The following CUX1 variants were observed in gnomAD, a reference collection of about 807,000 sequenced individuals.
CUX1 encodes the protein cut like homeobox 1.
In CUX1, 31 loss-of-function variants were observed where a neutral mutation model predicts 158.8. The ratio of observed to expected loss-of-function variants is 0.20; its 90% CI spans 0.15 to 0.26. The LOEUF (loss-of-function observed/expected upper bound fraction) is 0.26, where lower values mean the gene tolerates loss of function less well. Among genes scored for constraint, CUX1 ranks in the 10% least tolerant of loss-of-function variants. CUX1 has a pLI of 1.00. For synonymous variants in CUX1, 879 were observed against 862.1 expected (o/e 1.02, Z -0.34); for missense variants, 1,589 against 2,014.6 (o/e 0.79, Z 4.04).
chr7:102,005,118 C>T (rs1039165085), intron 2 of CUX1, among the ~76,000 whole-genome samples: 1 of 152,130 alleles, frequency 6.6e-6, no homozygotes, highest in African/African-American at 2.4e-5. Flanking sequence ...CATTCAGGCT[C>T]TGTCAGCTTC....
intron 20 of CUX1, among the ~76,000 whole-genome samples, chr7:102,211,498 C>T (rs948803668): frequency 1.4e-5 from 2 of 147,100 alleles, no homozygotes; most frequent in Admixed American, 6.8e-5. Flanking sequence ...ATCAGCTTTT[C>T]GGCTGGGCGC....
intron 8 of CUX1, among the ~76,000 whole-genome samples, chr7:102,144,404 C>G (rs1221722462): frequency 1.3e-5 from 2 of 152,114 alleles, no homozygotes; most frequent in East Asian, 3.8e-4. Context: ...CTCACCTGTC[C>G]CCACTCCTGT....
rs1165282545 is a variant in CUX1 at position 102,082,740 on chromosome 7, C to T, written c.268+12323C>T. Among the ~76,000 whole-genome samples, 5 of 147,292 alleles carry T rather than the reference C, an allele frequency of 3.4e-5. No homozygotes were observed. The East Asian group carries it at 9.6e-4, about 28-fold the overall frequency. ...GTGGTCCTACATCTGGCCTCTTTCA[C>T]TCAGCGCGGTGTTTTGGGATTCATC... is the stretch of plus-strand genomic sequence containing the variant. On this transcript the variant is annotated intron_variant, in intron 4 of 23. Coordinates refer to ENST00000292535, the MANE Select transcript of CUX1 (RefSeq NM_181552.4).
chr7:102,095,236 C>T (rs1829055207), intron 4 of CUX1, among the ~76,000 whole-genome samples: 1 of 152,180 alleles, frequency 6.6e-6, no homozygotes, highest in Admixed American at 6.5e-5. Flanking sequence ...TCTCGAACTC[C>T]TGAGCTCAAG....
chr7:101,931,792 G>A (rs1046138193), intron 2 of CUX1, among the ~76,000 whole-genome samples: 4 of 152,062 alleles, frequency 2.6e-5, no homozygotes, highest in Non-Finnish European at 5.9e-5. Context: ...TCAAACTCCT[G>A]GGCTCAGTCC....
intron 2 of CUX1, among the ~76,000 whole-genome samples, chr7:102,013,853 C>T (rs1818305218): frequency 6.6e-6 from 1 of 152,090 alleles, no homozygotes; most frequent in African/African-American, 2.4e-5. Context: ...CATAGGCACA[C>T]ACCACCATGC....
intron 2 of CUX1, among the ~76,000 whole-genome samples, chr7:102,027,258 A>G (rs1284493590): frequency 2.6e-5 from 4 of 152,092 alleles, no homozygotes; most frequent in African/African-American, 9.7e-5. Context: ...CTGTAGTCCC[A>G]CTTACTCGGG....
intron 2 of CUX1, among the ~76,000 whole-genome samples, chr7:101,952,506 G>C (rs1167451966): frequency 5.9e-5 from 9 of 152,228 alleles, no homozygotes; most frequent in Non-Finnish European, 1.5e-5. Flanking sequence ...TGAGAACCCT[G>C]CTACGGAACC....
intron 8 of CUX1, among the ~76,000 whole-genome samples, chr7:102,117,448 G>A (rs1404704006): frequency 6.7e-6 from 1 of 149,696 alleles, no homozygotes; most frequent in Non-Finnish European, 1.5e-5. Context: ...TTGCAGAGGT[G>A]CAGTTCCTAG....
rs1409816989 is a variant in CUX1 at position 102,249,254 on chromosome 7, TCTGCGGCCCGGGCCGACC to T, written c.*221_*238del. 113 of 1,068,106 alleles carry T rather than the reference TCTGCGGCCCGGGCCGACC, an allele frequency of 1.1e-4. 1 individual carries two copies. In the Middle Eastern group the frequency reaches 2.1e-3, roughly 20 times the overall value. The allele number at this position is 1,068,106 out of a possible 1,614,324, so 66.2% of individuals were successfully genotyped here. ...ATCCAAGGCCGCGGCCCAGACCCAC[TCTGCGGCCCGGGCCGACC>T]CTGCGGCCTCCACCAACCCCGCGGC... On this transcript the variant is annotated 3_prime_UTR_variant, in exon 24 of 24. Transcript: ENST00000292535.
chr7:102,052,237 CG>C (rs1563179702), intron 3 of CUX1, among the ~76,000 whole-genome samples: 1 of 151,870 alleles, frequency 6.6e-6, no homozygotes, highest in African/African-American at 2.4e-5. Context: ...AAGAAAGAAA[CG>C]TAATACCCAT....
chr7:102,192,221 C>A (rs1347067139), intron 12 of CUX1, among the ~76,000 whole-genome samples: 9 of 152,218 alleles, frequency 5.9e-5, no homozygotes, highest in African/African-American at 1.9e-4. Context: ...GCACAAGACA[C>A]CCTGTCCCTT....
At position 101,946,722 on chromosome 7, in the gene CUX1, G is replaced by C. The variant is rs1202698267; in HGVS notation, c.141+30497G>C. 2.6e-5 allele frequency among the ~76,000 whole-genome samples: 4 copies of C among 152,236 alleles called. No individual in the cohort carries two copies. In the East Asian group the frequency reaches 5.8e-4, roughly 22 times the overall value. Reference sequence around the variant, plus strand: ...GCTAAGCCTTTCAGATGAGTTCCCCGTGGTCATCAGAGGTAGGCCTTGCTG... The same window carrying C: ...GCTAAGCCTTTCAGATGAGTTCCCCCTGGTCATCAGAGGTAGGCCTTGCTG... On this transcript the variant is annotated intron_variant, in intron 2 of 23. Coordinates refer to ENST00000292535, the MANE Select transcript of CUX1 (RefSeq NM_181552.4).
intron 2 of CUX1, among the ~76,000 whole-genome samples, chr7:101,926,970 A>C (rs1319372974): frequency 6.6e-6 from 1 of 152,160 alleles, no homozygotes; most frequent in Non-Finnish European, 1.5e-5. Context: ...TCTCACAGAG[A>C]TCTGGCAGTG....
downstream of CUX1, among the ~76,000 whole-genome samples, chr7:102,261,556 AG>A (rs66885133): frequency 0.19 from 28,413 of 151,318 alleles, 2,743 homozygotes; most frequent in South Asian, 0.25. Flanking sequence ...AGCAGAATCA[AG>A]TATGGATAAG....
intron 1 of CUX1, among the ~76,000 whole-genome samples, chr7:101,863,634 A>T (rs144543947): frequency 6.6e-6 from 1 of 152,206 alleles, no homozygotes; most frequent in Non-Finnish European, 1.5e-5. Flanking sequence ...TACAGGTGTG[A>T]GCCACTGCGC....
chr7:102,067,837 C>T (rs186700852), intron 3 of CUX1, among the ~76,000 whole-genome samples: 56 of 130,232 alleles, frequency 4.3e-4, no homozygotes, highest in Admixed American at 2.5e-3. Flanking sequence ...GCCAACATGA[C>T]GAAACCCCGT....
At chr7:101,913,547 G>T in intron 1 of CUX1, 1 of 386,478 alleles carries the variant, frequency 2.6e-6, no homozygotes, top group Non-Finnish European at 4.0e-6. Context: ...GGGGACGGAG[G>T]GGGCCCACAG....
At chr7:102,016,545 C>T (rs1818613133) in intron 2 of CUX1, among the ~76,000 whole-genome samples, 1 of 152,178 alleles carries the variant, frequency 6.6e-6, no homozygotes, top group Non-Finnish European at 1.5e-5. Context: ...AATGATACTC[C>T]AGATTACACT....
Sources: allele counts gnomAD v4.1 joint callset (sites outside exome capture counted in the v4.1 genomes callset), GRCh38; gene constraint gnomAD v4.1.1; transcripts MANE v1.5; gene names NCBI Gene and HGNC (gene_info 2026-07-23, HGNC 2026-07-21).